The following RERG variants were observed in gnomAD, a reference collection of about 807,000 sequenced individuals.
RERG encodes RAS like estrogen regulated growth inhibitor, also known as ras-related and estrogen-regulated growth inhibitor.
Under a neutral mutation model 23.2 loss-of-function variants are expected in RERG, and 25 were observed. That is an observed-to-expected ratio of 1.08 (90% CI 0.79 to 1.50). The LOEUF (loss-of-function observed/expected upper bound fraction) is 1.50. RERG is among the 40% of genes most tolerant of loss of function. The pLI is 0.00. For missense variants in RERG, 253 were observed against 250.1 expected (o/e 1.01, Z -0.08); for synonymous variants, 81 against 89.1 (o/e 0.91, Z 0.51).
Position 15,175,388 on chromosome 12 carries a change from T to TGTGTGTGTGTGTGTG in RERG, c.61+42040_61+42041insCACACACACACACAC, listed in dbSNP as rs1591658566. 4.8e-5 allele frequency among the ~76,000 whole-genome samples: 6 copies of TGTGTGTGTGTGTGTG among 124,442 alleles called. No individual in the cohort carries two copies. The East Asian group carries it at 9.2e-4, about 19-fold the overall frequency. 81.6% of individuals were successfully genotyped at this position (124,442 alleles called of 152,430 possible). On this transcript the variant is annotated intron_variant, in intron 2 of 4. Coordinates refer to ENST00000256953, the MANE Select transcript of RERG (RefSeq NM_032918.3). ...GTGTGTGTGTGTGTGTGTGTGTGTG[T>TGTGTGTGTGTGTGTG]TGGGGCATGCTTTCCATGTTCAGGC...
Position 15,126,157 on chromosome 12 carries a change from T to TATA in RERG, c.62-5039_62-5038insTAT, listed in dbSNP as rs1555120854. 3.6e-4 allele frequency among the ~76,000 whole-genome samples: 20 copies of TATA among 55,456 alleles called. 2 individuals are homozygous for TATA. The highest frequency in any genetic ancestry group is 1.1e-3 in the African/African-American group (20 of 18,384). The allele number at this position is 55,456 out of a possible 152,430, so 36.4% of individuals were successfully genotyped here. On this transcript the variant is annotated intron_variant, in intron 2 of 4. Coordinates refer to ENST00000256953, the MANE Select transcript of RERG (RefSeq NM_032918.3). ...TATATATATATATATATATATGTAT[T>TATA]TACACACATACATTTTTACATATAT...
chr12:15,117,236 G>A (rs1863739373), intron 3 of RERG, among the ~76,000 whole-genome samples: 1 of 151,104 alleles, frequency 6.6e-6, no homozygotes, highest in Non-Finnish European at 1.5e-5. Context: ...TGCCACAATG[G>A]AAATTGTACT....
chr12:15,147,002 C>T (rs1056357514), intron 2 of RERG, among the ~76,000 whole-genome samples: 2 of 151,874 alleles, frequency 1.3e-5, no homozygotes, highest in African/African-American at 4.8e-5. Flanking sequence ...CCTTCAAAAA[C>T]GCCTTCTCTT....
intron 2 of RERG, among the ~76,000 whole-genome samples, chr12:15,126,115 A>C (rs891059940): frequency 1.5e-5 from 2 of 134,774 alleles, no homozygotes; most frequent in Admixed American, 7.4e-5. Context: ...TCCATGGAGA[A>C]TGTTGTATAT....
chr12:15,145,491 AGC>A (rs1864316446), intron 2 of RERG, among the ~76,000 whole-genome samples: 1 of 152,220 alleles, frequency 6.6e-6, no homozygotes, highest in African/African-American at 2.4e-5. Context: ...AGGGTGGCAG[AGC>A]CACTCTGCAA....
intron 2 of RERG, among the ~76,000 whole-genome samples, chr12:15,159,092 G>C (rs765348751): frequency 1.6e-4 from 24 of 152,076 alleles, no homozygotes; most frequent in Non-Finnish European, 2.8e-4. Flanking sequence ...TACATTTATT[G>C]GTTGATATTC....
intron 2 of RERG, among the ~76,000 whole-genome samples, chr12:15,190,670 C>G (rs1372655500): frequency 6.6e-6 from 1 of 151,840 alleles, no homozygotes; most frequent in Non-Finnish European, 1.5e-5. Context: ...AGTTTAAGAC[C>G]CTGATAATGG....
chr12:15,178,740 A>G (rs1864885672), intron 2 of RERG, among the ~76,000 whole-genome samples: 1 of 152,238 alleles, frequency 6.6e-6, no homozygotes, highest in Non-Finnish European at 1.5e-5. Context: ...TTCATTGTAC[A>G]GGAACAACCT....
intron 2 of RERG, among the ~76,000 whole-genome samples, chr12:15,145,905 TA>T (rs1864324071): frequency 6.6e-6 from 1 of 152,224 alleles, no homozygotes; most frequent in African/African-American, 2.4e-5. Flanking sequence ...AAAGTACAGT[TA>T]CAGTTGCTTT....
At chr12:15,160,122 A>G (rs1191238646) in intron 2 of RERG, among the ~76,000 whole-genome samples, 1 of 152,126 alleles carries the variant, frequency 6.6e-6, no homozygotes, top group Non-Finnish European at 1.5e-5. Context: ...TCCACAGTTG[A>G]GCAGTTTTTA....
chr12:15,143,741 T>C (rs956545052), intron 2 of RERG, among the ~76,000 whole-genome samples: 1 of 150,822 alleles, frequency 6.6e-6, no homozygotes, highest in Admixed American at 6.6e-5. Flanking sequence ...AAATAGTATG[T>C]TATATGGTGG....
chr12:15,109,448 C>T lies in RERG; in HGVS notation c.262G>A (p.Asp88Asn). 7 of 1,613,934 alleles carry T rather than the reference C, an allele frequency of 4.3e-6. No individual in the cohort carries two copies. Among genetic ancestry groups the T allele is most frequent in the Non-Finnish European group, 5.9e-6 (7 of 1,179,944 alleles). Reference protein sequence around the residue: ...EGFVLVYDITDRGSFEEVLPL... With the variant: ...EGFVLVYDITNRGSFEEVLPL... ...AGCACTTCCTCAAAACTTCCTCGGT[C>T]AGTAATGTCGTAGACCAGCACAAAG... Residue 88 changes from aspartate to asparagine, a missense_variant, in exon 5 of 5, where the codon GAC (aspartate) becomes AAC (asparagine). Physicochemically the swap from Asp to Asn is conservative, Grantham distance 23. Coordinates refer to ENST00000256953, the MANE Select transcript of RERG (RefSeq NM_032918.3).
At chr12:15,207,830 C>G (rs1384937526) in intron 2 of RERG, among the ~76,000 whole-genome samples, 1 of 152,084 alleles carries the variant, frequency 6.6e-6, no homozygotes, top group African/African-American at 2.4e-5. Flanking sequence ...TTATCATGCT[C>G]TACGTGACAC....
intron 3 of RERG, among the ~76,000 whole-genome samples, chr12:15,111,874 C>T (rs1408668651): frequency 1.3e-5 from 2 of 152,040 alleles, no homozygotes; most frequent in Admixed American, 6.6e-5. Flanking sequence ...CAAGGTTTCA[C>T]CATGTTGGCC....
At chr12:15,200,659 G>A (rs967212802) in intron 2 of RERG, among the ~76,000 whole-genome samples, 3 of 151,874 alleles carry the variant, frequency 2.0e-5, no homozygotes, top group Non-Finnish European at 4.4e-5. Context: ...TTGTATTTTA[G>A]TGAAGAATAA....
intron 2 of RERG, among the ~76,000 whole-genome samples, chr12:15,184,760 G>A (rs1284226385): frequency 6.6e-6 from 1 of 152,154 alleles, no homozygotes; most frequent in Non-Finnish European, 1.5e-5. Context: ...GATTTTCCCT[G>A]TATTTCTAAC....
intron 2 of RERG, among the ~76,000 whole-genome samples, chr12:15,193,985 C>T (rs1165056075): frequency 6.6e-6 from 1 of 152,032 alleles, no homozygotes; most frequent in Non-Finnish European, 1.5e-5. Context: ...ATCCCTCCCT[C>T]CAAAAGGATT....
intron 2 of RERG, among the ~76,000 whole-genome samples, chr12:15,171,970 AGC>A (rs1440007543): frequency 7.2e-5 from 11 of 152,228 alleles, no homozygotes; most frequent in African/African-American, 2.7e-4. Context: ...TTTTAAAAAT[AGC>A]TTTATTAAAG....
rs1287488999 is a variant in RERG at position 15,175,123 on chromosome 12, G to GGT, written c.61+42304_61+42305dup. On this transcript the variant is annotated intron_variant, in intron 2 of 4. Transcript: ENST00000256953. ...CAACACCTCCCAACCAAGGTGTGTG[G>GGT]GTGTGTGTGAGAAAGGTTGCTATCA... is the stretch of plus-strand genomic sequence containing the variant. Among the ~76,000 whole-genome samples the GGT allele has an allele frequency of 8.6e-5, 13 of 150,626 alleles. No individual in the cohort carries two copies. In the East Asian group the frequency reaches 2.5e-3, roughly 29 times the overall value.
Sources: gnomAD v4.1 joint callset for allele counts (sites outside exome capture counted in the v4.1 genomes callset) on GRCh38, gnomAD v4.1.1 for gene constraint, MANE v1.5 for transcripts, NCBI Gene and HGNC (gene_info 2026-07-23, HGNC 2026-07-21) for gene names.